Variants in HS3ST5 observed in about 807,000 individuals in gnomAD.
The protein encoded by HS3ST5 is heparan sulfate glucosamine 3-O-sulfotransferase 5.
Under a neutral mutation model 25.4 loss-of-function variants are expected in HS3ST5, and 10 were observed. The ratio of observed to expected loss-of-function variants is 0.39; its 90% confidence interval spans 0.24 to 0.67. The LOEUF is 0.67. Among genes scored for constraint, HS3ST5 ranks in the 30% least tolerant of loss-of-function variants. The pLI, the probability that HS3ST5 is intolerant of heterozygous loss-of-function variation, is 0.44. For synonymous variants in HS3ST5, 170 were observed against 162.4 expected (o/e 1.05, Z -0.36); for missense variants, 324 against 420.7 (o/e 0.77, Z 2.01).
chr6:114,232,098 G>A (rs1043791473), intron 1 of HS3ST5, among the ~76,000 whole-genome samples: 2 of 152,040 alleles, frequency 1.3e-5, no homozygotes, highest in African/African-American at 4.8e-5. Flanking sequence ...TTTATCGTGT[G>A]CCTACCAATT....
intron 3 of HS3ST5, among the ~76,000 whole-genome samples, chr6:114,151,705 A>G (rs1412745474): frequency 2.6e-5 from 4 of 152,200 alleles, no homozygotes; most frequent in African/African-American, 9.7e-5. Flanking sequence ...ATAAATTCCA[A>G]TATATTTAAA....
intron 3 of HS3ST5, among the ~76,000 whole-genome samples, chr6:114,148,286 C>T (rs1778267055): frequency 6.6e-6 from 1 of 152,104 alleles, no homozygotes; most frequent in African/African-American, 2.4e-5. Context: ...ATTAACTCAA[C>T]ATGGATTAAA....
At chr6:114,169,061 G>A (rs1779348622) in intron 2 of HS3ST5, among the ~76,000 whole-genome samples, 1 of 152,030 alleles carries the variant, frequency 6.6e-6, no homozygotes, top group African/African-American at 2.4e-5. Context: ...AAAGAGATGA[G>A]AAAAATGAAA....
intron 3 of HS3ST5, among the ~76,000 whole-genome samples, chr6:114,134,474 T>A (rs923945691): frequency 6.6e-6 from 1 of 151,584 alleles, no homozygotes; most frequent in Admixed American, 6.6e-5. Flanking sequence ...AAAGGGGGAG[T>A]CCTTCCCAGG....
chr6:114,182,412 G>C (rs1310478599), intron 2 of HS3ST5, among the ~76,000 whole-genome samples: 1 of 152,126 alleles, frequency 6.6e-6, no homozygotes, highest in Non-Finnish European at 1.5e-5. Flanking sequence ...AAATTCTAGA[G>C]AATAGTCATA....
At chr6:114,285,835 A>T (rs1014555728) in intron 1 of HS3ST5, among the ~76,000 whole-genome samples, 3 of 152,028 alleles carry the variant, frequency 2.0e-5, no homozygotes, top group Admixed American at 1.3e-4. Flanking sequence ...AATAAAATTT[A>T]AAAAAATTAT....
At chr6:114,334,037 G>T (rs1428528708) in intron 1 of HS3ST5, among the ~76,000 whole-genome samples, 1 of 152,180 alleles carries the variant, frequency 6.6e-6, no homozygotes, top group Non-Finnish European at 1.5e-5. Context: ...CTGTCTGGGT[G>T]CCTCAGCTCT....
chr6:114,063,484 TG>T (rs11301492), intron 3 of HS3ST5, among the ~76,000 whole-genome samples: 24,617 of 147,620 alleles, frequency 0.17, 2,316 homozygotes, highest in African/African-American at 0.27. Context: ...CACTCCACTC[TG>T]GCCTGGGTGA....
chr6:114,300,276 T>G (rs1050748387), intron 1 of HS3ST5, among the ~76,000 whole-genome samples: 1 of 152,128 alleles, frequency 6.6e-6, no homozygotes, highest in Non-Finnish European at 1.5e-5. Context: ...AAAAGAGTTT[T>G]GTATATATAA....
At chr6:114,238,840 G>T (rs955656855) in intron 1 of HS3ST5, 2 of 152,202 alleles carry the variant, frequency 1.3e-5, no homozygotes, top group Non-Finnish European at 2.9e-5. Flanking sequence ...ACATAATGTT[G>T]TTTTTCAACT....
At chr6:114,280,709 C>T (rs1774069136) in intron 1 of HS3ST5, among the ~76,000 whole-genome samples, 1 of 151,990 alleles carries the variant, frequency 6.6e-6, no homozygotes, top group Non-Finnish European at 1.5e-5. Context: ...ATCTCTTCTC[C>T]TTTGGATGAG....
At chr6:114,287,333 C>T (rs752921536) in intron 1 of HS3ST5, among the ~76,000 whole-genome samples, 1 of 151,826 alleles carries the variant, frequency 6.6e-6, no homozygotes, top group Non-Finnish European at 1.5e-5. Flanking sequence ...AATTAGGGCC[C>T]AGAAATGTTT....
chr6:114,234,892 G>A (rs1264830082), intron 1 of HS3ST5, among the ~76,000 whole-genome samples: 1 of 152,054 alleles, frequency 6.6e-6, no homozygotes, highest in Admixed American at 6.6e-5. Flanking sequence ...CTAAACTGAG[G>A]TGGGCAGATC....
intron 3 of HS3ST5, among the ~76,000 whole-genome samples, chr6:114,093,955 G>A (rs1775284156): frequency 6.6e-6 from 1 of 152,162 alleles, no homozygotes; most frequent in African/African-American, 2.4e-5. Flanking sequence ...CATGTTCAAA[G>A]CTGTTTATAT....
intron 1 of HS3ST5, among the ~76,000 whole-genome samples, chr6:114,338,728 C>A (rs1023255324): frequency 6.6e-6 from 1 of 152,036 alleles, no homozygotes; most frequent in African/African-American, 2.4e-5. Flanking sequence ...AACATTAAAA[C>A]TCAGAAACAA....
At chr6:114,208,878 G>A (rs867423538) in intron 2 of HS3ST5, among the ~76,000 whole-genome samples, 1 of 151,914 alleles carries the variant, frequency 6.6e-6, no homozygotes, top group African/African-American at 2.4e-5. Context: ...TAAAGTTTAG[G>A]GTTTGTCTTG....
At chr6:114,271,253 A>G (rs1773627036) in intron 1 of HS3ST5, among the ~76,000 whole-genome samples, 1 of 151,890 alleles carries the variant, frequency 6.6e-6, no homozygotes, top group Non-Finnish European at 1.5e-5. Flanking sequence ...GATCATGGAG[A>G]CCAAATTTTG....
intron 1 of HS3ST5, among the ~76,000 whole-genome samples, chr6:114,309,541 T>C (rs895497334): frequency 1.4e-4 from 21 of 152,256 alleles, no homozygotes; most frequent in African/African-American, 4.3e-4. Context: ...GAAACCAGCA[T>C]GGCCAATATG....
At chr6:114,161,279 C>T (rs1193685267) in intron 3 of HS3ST5, among the ~76,000 whole-genome samples, 1 of 151,380 alleles carries the variant, frequency 6.6e-6, no homozygotes, top group East Asian at 2.0e-4. Flanking sequence ...ACTTAATGGA[C>T]TGACAACATA....
Sources: gnomAD v4.1 joint callset for allele counts (sites outside exome capture counted in the v4.1 genomes callset) on GRCh38, gnomAD v4.1.1 for gene constraint, MANE v1.5 for transcripts, NCBI Gene and HGNC (gene_info 2026-07-23, HGNC 2026-07-21) for gene names.